Variants in ITPR2 observed in about 807,000 individuals in gnomAD.
The protein encoded by ITPR2 is inositol 1,4,5-trisphosphate receptor type 2.
A neutral mutation model predicts 317.1 loss-of-function variants in ITPR2; 207 were observed. The observed-to-expected ratio is 0.65, with a 90% CI of 0.58 to 0.73. The LOEUF (loss-of-function observed/expected upper bound fraction) is 0.73. Among genes scored for constraint, ITPR2 ranks in the 30% least tolerant of loss-of-function variants. The pLI, the probability that ITPR2 is intolerant of heterozygous loss-of-function variation, is 0.00. For missense variants in ITPR2, 2,613 were observed against 3,284.0 expected (o/e 0.80, Z 4.99); for synonymous variants, 1,156 against 1,149.1 (o/e 1.01, Z -0.12).
At chr12:26,715,471 G>A (rs763825453) in intron 7 of ITPR2, 26 bp from the exon 8 acceptor site, 2 of 1,600,904 alleles carry the variant, frequency 1.2e-6, no homozygotes, top group Non-Finnish European at 1.7e-6. Flanking sequence ...AGAGACATCT[G>A]AACAAACAGA....
chr12:26,443,773 T>C, intron 45 of ITPR2, 123 bp from the exon 46 acceptor site: 1 of 601,784 alleles, frequency 1.7e-6, no homozygotes, highest in East Asian at 3.0e-5. Flanking sequence ...GACAATTAGT[T>C]ACACTTCAGG....
intron 26 of ITPR2, among the ~76,000 whole-genome samples, chr12:26,606,193 A>AC (rs1222070904): frequency 6.6e-6 from 1 of 151,814 alleles, no homozygotes; most frequent in African/African-American, 2.4e-5. Context: ...GGGCCTAGAA[A>AC]AAAAAAAAAG....
chr12:26,401,182 T>A (rs572331253), intron 52 of ITPR2, among the ~76,000 whole-genome samples: 16 of 151,780 alleles, frequency 1.1e-4, no homozygotes, highest in Non-Finnish European at 1.9e-4. Context: ...TGAGCCAAGA[T>A]CACACCACTG....
At chr12:26,609,700 T>G (rs138308224) in intron 26 of ITPR2, among the ~76,000 whole-genome samples, 27 of 152,228 alleles carry the variant, frequency 1.8e-4, no homozygotes, top group African/African-American at 6.5e-4. Flanking sequence ...CAGTATCAAT[T>G]TAAATGTGGT....
intron 32 of ITPR2, among the ~76,000 whole-genome samples, chr12:26,592,705 T>C (rs1945736836): frequency 6.6e-6 from 1 of 152,238 alleles, no homozygotes; most frequent in Admixed American, 6.5e-5. Context: ...ACCAAATTCC[T>C]TTCCTCCAGA....
chr12:26,350,064 G>A (rs768250422), intron 55 of ITPR2, among the ~76,000 whole-genome samples: 64 of 152,246 alleles, frequency 4.2e-4, no homozygotes, highest in Middle Eastern at 3.4e-3. Context: ...GCTTGCAGGA[G>A]GACAGGACTG....
rs563957516 is a variant in ITPR2, at chr12:26,385,955, T to C, written c.7857+1479A>G. Reference sequence around the variant, plus strand: ...TTCCTCTTACTAAGCTCTATGTTCCTTGGCAGAGGGGAAATATATCATACT... The same window carrying C: ...TTCCTCTTACTAAGCTCTATGTTCCCTGGCAGAGGGGAAATATATCATACT... On this transcript the variant is annotated intron_variant, in intron 55 of 56. Coordinates refer to ENST00000381340, the MANE Select transcript of ITPR2 (RefSeq NM_002223.4). Among the ~76,000 whole-genome samples, 4 of 152,274 alleles carry C rather than the reference T, an allele frequency of 2.6e-5. No individual in the cohort carries two copies. The East Asian group carries it at 7.7e-4, about 29-fold the overall frequency.
intron 15 of ITPR2, among the ~76,000 whole-genome samples, chr12:26,661,269 T>TGG (rs1332276817): frequency 5.9e-4 from 4 of 6,746 alleles, no homozygotes; most frequent in African/African-American, 8.2e-4. Flanking sequence ...GGTAGGGGTG[T>TGG]GTGTGTGGGG....
At chr12:26,597,196 A>G (rs1565629587) in intron 30 of ITPR2, 62 bp from the exon 31 acceptor site, 1 of 1,566,520 alleles carries the variant, frequency 6.4e-7, no homozygotes, top group East Asian at 2.2e-5. Flanking sequence ...AGTTATTTCC[A>G]AAGGCTTGAT....
At chr12:26,643,098 C>T (rs1484636999) in intron 21 of ITPR2, among the ~76,000 whole-genome samples, 1 of 152,172 alleles carries the variant, frequency 6.6e-6, no homozygotes, top group East Asian at 1.9e-4. Context: ...TTCCCCTTGC[C>T]CCTTTCCCCA....
chr12:26,378,702 GCATAGTT>G (rs1939417341), intron 55 of ITPR2, among the ~76,000 whole-genome samples: 1 of 152,210 alleles, frequency 6.6e-6, no homozygotes, highest in Admixed American at 6.5e-5. Flanking sequence ...AGTGCCTCAT[GCATAGTT>G]CTCCTCAGTA....
intron 35 of ITPR2, among the ~76,000 whole-genome samples, chr12:26,560,488 T>C (rs147752325): frequency 3.9e-4 from 60 of 152,320 alleles, no homozygotes; most frequent in Non-Finnish European, 7.4e-4. Flanking sequence ...GTCTTAATGA[T>C]ACTACCTAGT....
chr12:26,375,266 T>C (rs12815170), intron 55 of ITPR2, among the ~76,000 whole-genome samples: 52,359 of 152,026 alleles, frequency 0.34, 9,150 homozygotes, highest in Non-Finnish European at 0.37. Context: ...GGAAATCTTT[T>C]TATTAAGGTT....
chr12:26,773,629 G>A (rs1949909000), intron 2 of ITPR2, among the ~76,000 whole-genome samples: 1 of 152,232 alleles, frequency 6.6e-6, no homozygotes, highest in Admixed American at 6.5e-5. Context: ...AATTAATTGT[G>A]TGAGTGCTGC....
rs148087871 is a variant in ITPR2, at chr12:26,390,901, G to A, written c.7697-3307C>T. Among the ~76,000 whole-genome samples the A allele has an allele frequency of 3.3e-4, 51 of 152,294 alleles. 1 individual carries two copies. In the East Asian group the frequency reaches 9.6e-3, roughly 29 times the overall value. ...CATCTACCAGTTGCAAGGTAATGGGGCTATAAAAATTAGGTTCTTACTATC... is the reference window on the plus strand; with the variant it reads ...CATCTACCAGTTGCAAGGTAATGGGACTATAAAAATTAGGTTCTTACTATC... On this transcript the variant is annotated intron_variant, in intron 54 of 56. Transcript: ENST00000381340.
At chr12:26,740,312 T>C (rs566434337) in intron 2 of ITPR2, among the ~76,000 whole-genome samples, 73 of 152,308 alleles carry the variant, frequency 4.8e-4, no homozygotes, top group African/African-American at 1.7e-3. Context: ...AATGGCCACA[T>C]TGGATTGAAA....
At position 26,491,456 on chromosome 12, in the gene ITPR2, C is replaced by T. The variant is rs560130138; in HGVS notation, c.5370+2697G>A. Among the ~76,000 whole-genome samples the T allele has an allele frequency of 3.5e-3, 476 of 134,184 alleles. 3 individuals carry two copies. The highest frequency in any genetic ancestry group is 0.013 in the African/African-American group (451 of 35,036). 88.0% of individuals were successfully genotyped at this position (134,184 alleles called of 152,430 possible). A position where few individuals can be genotyped will look rare whatever the true frequency, so the allele number is the denominator to read the frequency against. Reference sequence around the variant, plus strand: ...CGAGATTACACCACTGCACTCCAGCCTGGGCCACAGAGCAAGACTCCATCT... The same window carrying T: ...CGAGATTACACCACTGCACTCCAGCTTGGGCCACAGAGCAAGACTCCATCT... On this transcript the variant is annotated intron_variant, in intron 39 of 56. Coordinates refer to ENST00000381340, the MANE Select transcript of ITPR2 (RefSeq NM_002223.4).
intron 51 of ITPR2, 125 bp downstream of exon 51, chr12:26,415,178 A>C (rs1592002794): frequency 3.1e-6 from 2 of 650,674 alleles, no homozygotes; most frequent in East Asian, 5.7e-5. Flanking sequence ...AGTAAACAAA[A>C]CATATTCTCA....
chr12:26,602,472 G>C lies in ITPR2; in HGVS notation c.3576C>G (p.Leu1192=), dbSNP rs1234134338. The C allele has an allele frequency of 6.2e-7, 1 of 1,613,268 alleles. No homozygotes were observed. The highest frequency in any genetic ancestry group is 8.5e-7 in the Non-Finnish European group (1 of 1,179,474). ...VKEILIRLSK[L]CVQNKKCRNQ... The stretch of plus-strand genomic sequence containing the variant: ...TCCGACACTTTTTATTCTGCACACA[G>C]AGTTTACTTAGCCTGATCAAAATCT... Residue 1192 remains leucine, a synonymous_variant, in exon 28 of 57, where the codon CTC becomes CTG. Transcript: ENST00000381340.
Sources: allele counts gnomAD v4.1 joint callset (sites outside exome capture counted in the v4.1 genomes callset), GRCh38; gene constraint gnomAD v4.1.1; transcripts MANE v1.5; gene names NCBI Gene and HGNC (gene_info 2026-07-23, HGNC 2026-07-21).